FNIP1: variants seen among roughly 807,000 people sequenced by gnomAD.
The protein encoded by FNIP1 is folliculin-interacting protein 1.
Under a neutral mutation model 124.5 loss-of-function variants are expected in FNIP1, and 40 were observed. The observed-to-expected ratio is 0.32, with a 90% CI of 0.25 to 0.42. The LOEUF is 0.42. FNIP1 is among the 10% of genes least tolerant of loss of function. FNIP1 has a pLI of 1.00. For missense variants in FNIP1, 1,176 were observed against 1,403.7 expected, an observed-to-expected ratio of 0.84 and a Z score of 2.59; for synonymous variants, 472 against 470.6, an observed-to-expected ratio of 1.00 and a Z score of -0.04.
At chr5:131,736,938 T>C (rs2149554912) in intron 2 of FNIP1, among the ~76,000 whole-genome samples, 1 of 152,316 alleles carries the variant, frequency 6.6e-6, no homozygotes, top group Admixed American at 6.5e-5. Context: ...CAAAAGTTCT[T>C]TGTATTGAAC....
In FNIP1 at chr5:131,753,306, G is replaced by A. The variant is rs78551200; in HGVS notation, c.93-8616C>T. 6.5e-3 allele frequency among the ~76,000 whole-genome samples: 989 copies of A among 152,192 alleles called. 13 individuals are homozygous for A. Among genetic ancestry groups the A allele is most frequent in the African/African-American group, 0.023 (950 of 41,498 alleles). On this transcript the variant is annotated intron_variant, in intron 1 of 17. Transcript: ENST00000510461. ...TTATCCAATAAAAATGAAAATAAAT[G>A]TTCACAAATACTCTCACAGAAATGT... is the stretch of plus-strand genomic sequence containing the variant.
intron 1 of FNIP1, among the ~76,000 whole-genome samples, chr5:131,745,392 C>T (rs1356958975): frequency 2.6e-5 from 4 of 152,070 alleles, no homozygotes; most frequent in African/African-American, 9.7e-5. Context: ...TGGCAGCACA[C>T]ATCTGTAGTC....
intron 1 of FNIP1, among the ~76,000 whole-genome samples, chr5:131,745,564 G>A (rs1770648942): frequency 6.6e-6 from 1 of 151,912 alleles, no homozygotes; most frequent in Non-Finnish European, 1.5e-5. Context: ...AATCTCTTTA[G>A]AACACAGTTT....
intron 16 of FNIP1, among the ~76,000 whole-genome samples, chr5:131,648,191 A>G (rs552186275): frequency 7.2e-4 from 109 of 150,676 alleles, no homozygotes; most frequent in South Asian, 6.3e-3. Context: ...AAAAAAAAAA[A>G]AAAGAATTAG....
intron 12 of FNIP1, among the ~76,000 whole-genome samples, 195 bp downstream of exon 12, chr5:131,678,829 ACAGAC>A (rs1352732302): frequency 6.6e-6 from 1 of 152,062 alleles, no homozygotes; most frequent in Non-Finnish European, 1.5e-5. Context: ...TTACATAATT[ACAGAC>A]ATTTTCACTG....
intron 3 of FNIP1, among the ~76,000 whole-genome samples, chr5:131,725,699 G>T (rs1769836928): frequency 6.6e-6 from 1 of 152,024 alleles, no homozygotes; most frequent in African/African-American, 2.4e-5. Context: ...TATTTCTCTT[G>T]CCTGATTGCC....
chr5:131,656,400 A>G (rs1767192769), intron 15 of FNIP1, among the ~76,000 whole-genome samples: 1 of 152,232 alleles, frequency 6.6e-6, no homozygotes, highest in African/African-American at 2.4e-5. Context: ...TAGGTGTGAA[A>G]ACCAGGTACT....
At chr5:131,771,784 A>C (rs977226573) in intron 1 of FNIP1, among the ~76,000 whole-genome samples, 1 of 152,082 alleles carries the variant, frequency 6.6e-6, no homozygotes, top group Non-Finnish European at 1.5e-5. Flanking sequence ...ATTTATCTTT[A>C]AAAAGTTTTA....
chr5:131,744,761 A>C (rs1770619673), intron 1 of FNIP1, 71 bp from the exon 2 acceptor site: 1 of 1,303,104 alleles, frequency 7.7e-7, no homozygotes, highest in Admixed American at 2.9e-5. Flanking sequence ...ATACATTATT[A>C]GAAATAAATC....
At chr5:131,746,522 C>T (rs535482214) in intron 1 of FNIP1, among the ~76,000 whole-genome samples, 2 of 152,240 alleles carry the variant, frequency 1.3e-5, no homozygotes, top group South Asian at 2.1e-4. Flanking sequence ...TGAGAACATG[C>T]GGTATCTGAT....
At chr5:131,697,908 G>A (rs1235444904) in intron 11 of FNIP1, among the ~76,000 whole-genome samples, 1 of 146,750 alleles carries the variant, frequency 6.8e-6, no homozygotes, top group Admixed American at 7.0e-5. Flanking sequence ...GGCAGAGGTT[G>A]CAGTGAGGCA....
intron 11 of FNIP1, among the ~76,000 whole-genome samples, chr5:131,685,535 G>A (rs566111114): frequency 5.7e-5 from 8 of 139,260 alleles, no homozygotes; most frequent in Admixed American, 1.6e-4. Context: ...TGCAACCTCC[G>A]CCTCCGAGGC....
At chr5:131,655,937 C>CAAAAA (rs531712939) in intron 15 of FNIP1, among the ~76,000 whole-genome samples, 2 of 131,840 alleles carry the variant, frequency 1.5e-5, no homozygotes, top group Non-Finnish European at 1.7e-5. Flanking sequence ...CAAAACAAAA[C>CAAAAA]AAAACAAAAA....
At chr5:131,786,091 G>A (rs577829636) in intron 1 of FNIP1, among the ~76,000 whole-genome samples, 2 of 152,246 alleles carry the variant, frequency 1.3e-5, no homozygotes, top group Middle Eastern at 6.8e-3. Flanking sequence ...AAACAATGAT[G>A]TCAAAGAAAA....
intron 1 of FNIP1, among the ~76,000 whole-genome samples, chr5:131,751,087 C>CTCT (rs1770858372): frequency 6.6e-6 from 1 of 152,128 alleles, no homozygotes; most frequent in African/African-American, 2.4e-5. Context: ...AGATGTAAAG[C>CTCT]TCTTCATGGG....
At chr5:131,654,221 T>C (rs990549260) in intron 15 of FNIP1, among the ~76,000 whole-genome samples, 1 of 152,330 alleles carries the variant, frequency 6.6e-6, no homozygotes, top group Admixed American at 6.5e-5. Flanking sequence ...GTACAGAGCA[T>C]GTCTGCCAGA....
intron 3 of FNIP1, among the ~76,000 whole-genome samples, chr5:131,729,981 T>C (rs1041330251): frequency 2.0e-5 from 3 of 151,874 alleles, no homozygotes; most frequent in Non-Finnish European, 2.9e-5. Context: ...CCTCAGGTGA[T>C]CCGCCCACCT....
chr5:131,653,534 C>G (rs1280077268), intron 15 of FNIP1, among the ~76,000 whole-genome samples: 3 of 149,010 alleles, frequency 2.0e-5, no homozygotes, highest in Non-Finnish European at 4.4e-5. Flanking sequence ...AGCGAAATTC[C>G]GTCTCAAAAA....
At chr5:131,734,198 C>T (rs917414206) in intron 2 of FNIP1, among the ~76,000 whole-genome samples, 5 of 151,958 alleles carry the variant, frequency 3.3e-5, no homozygotes, top group South Asian at 2.1e-4. Flanking sequence ...TTTTTTATTG[C>T]GTCTATTTGA....
Sources: gnomAD v4.1 joint callset for allele counts (sites outside exome capture counted in the v4.1 genomes callset) on GRCh38, gnomAD v4.1.1 for gene constraint, MANE v1.5 for transcripts, NCBI Gene and HGNC (gene_info 2026-07-23, HGNC 2026-07-21) for gene names.